Variants in ATXN8OS observed in about 807,000 individuals in gnomAD.
ATXN8OS encodes the protein ATXN8 opposite strand (non-protein coding).
intron 4 of ATXN8OS, among the ~76,000 whole-genome samples, chr13:70,168,935 A>G (rs1889111112): frequency 6.6e-6 from 1 of 152,138 alleles, no homozygotes. Flanking sequence ...TTTCAATTAC[A>G]TTGACTATCA....
At chr13:70,129,078 A>G (rs1158284676) in intron 2 of ATXN8OS, among the ~76,000 whole-genome samples, 1 of 151,990 alleles carries the variant, frequency 6.6e-6, no homozygotes, top group Non-Finnish European at 1.5e-5. Flanking sequence ...CAGGCTGGTC[A>G]CAAACTCCTG....
intron 4 of ATXN8OS, among the ~76,000 whole-genome samples, chr13:70,163,647 G>T (rs985019463): frequency 6.6e-6 from 1 of 151,920 alleles, no homozygotes; most frequent in Non-Finnish European, 1.5e-5. Context: ...TGCTTAAAAA[G>T]TCATTAAAAC....
chr13:70,128,838 C>A (rs1285298832), intron 2 of ATXN8OS, among the ~76,000 whole-genome samples: 1 of 148,004 alleles, frequency 6.8e-6, no homozygotes, highest in Middle Eastern at 3.2e-3. Context: ...CCAACAACAA[C>A]AACAACAAAA....
At chr13:70,156,449 C>T (rs1261906180) in intron 4 of ATXN8OS, among the ~76,000 whole-genome samples, 1 of 151,960 alleles carries the variant, frequency 6.6e-6, no homozygotes, top group East Asian at 1.9e-4. Flanking sequence ...TTAAACATTT[C>T]TGAAGATTAA....
chr13:70,112,185 T>C (rs1354670832), intron 1 of ATXN8OS, among the ~76,000 whole-genome samples: 1 of 152,078 alleles, frequency 6.6e-6, no homozygotes, highest in Non-Finnish European at 1.5e-5. Flanking sequence ...AGTTCTATCA[T>C]GAGAACAGAA....
intron 4 of ATXN8OS, among the ~76,000 whole-genome samples, chr13:70,153,098 C>A (rs374080044): frequency 6.8e-6 from 1 of 146,606 alleles, no homozygotes; most frequent in African/African-American, 2.5e-5. Context: ...AGATGTAGAC[C>A]GGGAGAGAAA....
chr13:70,161,908 G>A (rs1372256273), intron 4 of ATXN8OS, among the ~76,000 whole-genome samples: 1 of 151,918 alleles, frequency 6.6e-6, no homozygotes, highest in Non-Finnish European at 1.5e-5. Context: ...TAATAATAAG[G>A]AGAACTAGGG....
At chr13:70,127,072 T>G (rs531348611) in intron 2 of ATXN8OS, among the ~76,000 whole-genome samples, 1 of 152,006 alleles carries the variant, frequency 6.6e-6, no homozygotes, top group African/African-American at 2.4e-5. Flanking sequence ...TCTATGTCTT[T>G]ATCTATTTCC....
chr13:70,123,174 C>A (rs1888385656), intron 2 of ATXN8OS, among the ~76,000 whole-genome samples: 1 of 151,916 alleles, frequency 6.6e-6, no homozygotes, highest in African/African-American at 2.4e-5. Flanking sequence ...TTGCCAGATA[C>A]TATAGATAGA....
intron 3 of ATXN8OS, chr13:70,130,996 T>G (rs1486683967): frequency 2.5e-6 from 1 of 398,414 alleles, no homozygotes; most frequent in African/African-American, 2.1e-5. Context: ...GTAAGAACAC[T>G]GAATTGACTG....
chr13:70,152,432 C>A (rs910374404), intron 4 of ATXN8OS, among the ~76,000 whole-genome samples: 1 of 151,382 alleles, frequency 6.6e-6, no homozygotes, highest in Non-Finnish European at 1.5e-5. Flanking sequence ...CACATATGTA[C>A]ATATATGTGT....
At chr13:70,136,667 G>A (rs1888620671) in intron 3 of ATXN8OS, among the ~76,000 whole-genome samples, 1 of 152,068 alleles carries the variant, frequency 6.6e-6, no homozygotes, top group South Asian at 2.1e-4. Flanking sequence ...ATACATGAGA[G>A]AGAGAGAAAG....
At chr13:70,140,191 C>T (rs968375961) in intron 3 of ATXN8OS, among the ~76,000 whole-genome samples, 21 of 151,994 alleles carry the variant, frequency 1.4e-4, no homozygotes, top group African/African-American at 5.1e-4. Flanking sequence ...ATGCTAAGTG[C>T]TTTGAATTTA....
intron 4 of ATXN8OS, among the ~76,000 whole-genome samples, chr13:70,148,847 G>C (rs977128168): frequency 6.6e-6 from 1 of 151,974 alleles, no homozygotes; most frequent in African/African-American, 2.4e-5. Flanking sequence ...TCTATCAATA[G>C]GCTTATGCAG....
chr13:70,109,613 T>C, intron 1 of ATXN8OS, among the ~76,000 whole-genome samples: 1 of 152,328 alleles, frequency 6.6e-6, no homozygotes, highest in Middle Eastern at 3.4e-3. Flanking sequence ...ATAGTGCTTT[T>C]AAAATATTGA....
chr13:70,168,812 C>T (rs1889109309), intron 4 of ATXN8OS, among the ~76,000 whole-genome samples: 1 of 152,030 alleles, frequency 6.6e-6, no homozygotes, highest in Non-Finnish European at 1.5e-5. Flanking sequence ...GTGTTAAGGT[C>T]TTCCTTCAGA....
At chr13:70,135,393 T>C (rs920386824) in intron 3 of ATXN8OS, among the ~76,000 whole-genome samples, 3 of 152,272 alleles carry the variant, frequency 2.0e-5, no homozygotes, top group African/African-American at 7.2e-5. Context: ...TCATTAATTA[T>C]TGTGTCTTTT....
intron 2 of ATXN8OS, among the ~76,000 whole-genome samples, chr13:70,116,567 G>A (rs1888281764): frequency 6.6e-6 from 1 of 152,152 alleles, no homozygotes; most frequent in Non-Finnish European, 1.5e-5. Flanking sequence ...GGAGGCAGCA[G>A]ACAAGATACC....
chr13:70,131,002 G>C lies in ATXN8OS; in HGVS notation n.499+1118G>C, dbSNP rs533714109. On this transcript the variant is annotated intron_variant and non_coding_transcript_variant, in intron 3 of 4. Transcript: ENST00000678624. ...TTATTGGGAGTAAGAACACTGAATT[G>C]ACTGAATATCTTAAAGAGAGTTAGG... 11 of 398,454 alleles carry C rather than the reference G, an allele frequency of 2.8e-5. No homozygotes were observed. The Admixed American group carries it at 4.4e-4, about 16-fold the overall frequency. 24.7% of individuals were successfully genotyped at this position (398,454 alleles called of 1,614,324 possible).
Sources: gnomAD v4.1 joint callset for allele counts (sites outside exome capture counted in the v4.1 genomes callset) on GRCh38, gnomAD v4.1.1 for gene constraint, MANE v1.5 for transcripts, NCBI Gene and HGNC (gene_info 2026-07-23, HGNC 2026-07-21) for gene names.